Variants in CADPS2 observed in about 807,000 individuals in gnomAD.
CADPS2 encodes calcium-dependent secretion activator 2.
Under a neutral mutation model 172.5 loss-of-function variants are expected in CADPS2, and 93 were observed. That is an observed-to-expected ratio of 0.54 (90% CI 0.46 to 0.64). The LOEUF (loss-of-function observed/expected upper bound fraction) is 0.64, where lower values mean the gene tolerates loss of function less well. Among genes scored for constraint, CADPS2 ranks in the 30% least tolerant of loss-of-function variants. The pLI, the probability that CADPS2 is intolerant of heterozygous loss-of-function variation, is 0.00. For missense variants in CADPS2, 1,420 were observed against 1,565.9 expected (o/e 0.91, Z 1.57); for synonymous variants, 546 against 555.2 (o/e 0.98, Z 0.23).
chr7:122,622,655 A>G (rs749560973), intron 4 of CADPS2, among the ~76,000 whole-genome samples: 17 of 152,170 alleles, frequency 1.1e-4, no homozygotes, highest in Non-Finnish European at 2.2e-4. Context: ...TTTCTCTCTT[A>G]AAGACAGAGG....
intron 27 of CADPS2, among the ~76,000 whole-genome samples, chr7:122,356,809 C>A: frequency 6.6e-6 from 1 of 152,270 alleles, no homozygotes; most frequent in Middle Eastern, 3.4e-3. Flanking sequence ...CTTTGAAACA[C>A]AGAGTTTCCA....
intron 1 of CADPS2, among the ~76,000 whole-genome samples, chr7:122,759,387 T>C (rs187331405): frequency 6.8e-4 from 104 of 152,266 alleles, no homozygotes; most frequent in African/African-American, 2.1e-3. Context: ...AATGCAAAGG[T>C]TAGGAAAGAA....
At chr7:122,732,676 TAATA>T (rs1036028475) in intron 2 of CADPS2, among the ~76,000 whole-genome samples, 1 of 145,474 alleles carries the variant, frequency 6.9e-6, no homozygotes, top group African/African-American at 2.5e-5. Context: ...ATATATTATG[TAATA>T]AATACATATA....
rs974878991 is a variant in CADPS2, at chr7:122,624,947, A to G, written c.868-3230T>C. On this transcript the variant is annotated intron_variant, in intron 4 of 29. Coordinates refer to ENST00000449022, the MANE Select transcript of CADPS2 (RefSeq NM_017954.11). ...AGTCTAGAAGGAGGAACACAGAGTG[A>G]GTGGTGAGAAGGGTTGCAGCTTTAA... 3.3e-5 allele frequency among the ~76,000 whole-genome samples: 5 copies of G among 152,180 alleles called. No homozygotes were observed. The South Asian group carries it at 1.0e-3, about 32-fold the overall frequency.
intron 2 of CADPS2, chr7:122,702,405 T>C (rs1381284509): frequency 6.2e-7 from 1 of 1,613,696 alleles, no homozygotes; most frequent in African/African-American, 1.3e-5. Context: ...GCCACGTTGA[T>C]TTTATGTGTA....
chr7:122,805,474 G>T (rs1798595796), intron 1 of CADPS2, among the ~76,000 whole-genome samples: 1 of 152,062 alleles, frequency 6.6e-6, no homozygotes. Flanking sequence ...TATTTTTATT[G>T]TTTACTTCCC....
chr7:122,530,509 C>T (rs1470396060), intron 8 of CADPS2, among the ~76,000 whole-genome samples: 2 of 152,014 alleles, frequency 1.3e-5, no homozygotes, highest in Non-Finnish European at 2.9e-5. Context: ...TTCCTTATAA[C>T]AACTTACCTT....
intron 14 of CADPS2, among the ~76,000 whole-genome samples, chr7:122,470,303 C>A (rs1211402182): frequency 6.6e-6 from 1 of 151,088 alleles, no homozygotes; most frequent in Admixed American, 6.6e-5. Context: ...TTAAGGGGCA[C>A]TATGGGAAGA....
At chr7:122,877,922 G>A (rs955040836) in intron 1 of CADPS2, among the ~76,000 whole-genome samples, 94 of 152,248 alleles carry the variant, frequency 6.2e-4, no homozygotes, top group African/African-American at 2.1e-3. Context: ...TTCACACGGT[G>A]AGTGAGTGAG....
rs73444459 is a variant in CADPS2 at position 122,386,596 on chromosome 7, T to C, written c.3312+430A>G. ...AACTAGGCCTAGATTTTTAAGTCTA[T>C]TTCAACCTAAATTTTTAAAAATGGA... On this transcript the variant is annotated intron_variant, in intron 24 of 29. Transcript: ENST00000449022. 5.1e-3 allele frequency among the ~76,000 whole-genome samples: 779 copies of C among 152,188 alleles called. 7 individuals carry two copies. Among genetic ancestry groups the C allele is most frequent in the African/African-American group, 0.018 (749 of 41,560 alleles).
At chr7:122,667,197 A>G (rs1349435417) in intron 2 of CADPS2, among the ~76,000 whole-genome samples, 1 of 152,238 alleles carries the variant, frequency 6.6e-6, no homozygotes, top group African/African-American at 2.4e-5. Context: ...AGTCAAAACA[A>G]CCACCTTTGA....
intron 1 of CADPS2, among the ~76,000 whole-genome samples, chr7:122,766,056 G>T (rs2093542158): frequency 6.6e-6 from 1 of 152,074 alleles, no homozygotes; most frequent in Non-Finnish European, 1.5e-5. Context: ...TCTGGTGAGG[G>T]TCTCATGCTG....
At chr7:122,471,170 C>G (rs113769824) in intron 14 of CADPS2, among the ~76,000 whole-genome samples, 7 of 151,572 alleles carry the variant, frequency 4.6e-5, no homozygotes, top group African/African-American at 1.7e-4. Context: ...AGTGGCTTTA[C>G]CAGCAAAAAG....
At chr7:122,775,888 T>C (rs1340989197) in intron 1 of CADPS2, among the ~76,000 whole-genome samples, 1 of 152,212 alleles carries the variant, frequency 6.6e-6, no homozygotes, top group Non-Finnish European at 1.5e-5. Context: ...CTAGTTTCAA[T>C]GTCTGCTGTG....
chr7:122,873,414 T>C (rs1820337633), intron 1 of CADPS2, among the ~76,000 whole-genome samples: 2 of 152,196 alleles, frequency 1.3e-5, no homozygotes, highest in South Asian at 4.1e-4. Flanking sequence ...AGTGAGAACA[T>C]GCAGTGTTTG....
chr7:122,748,807 A>T (rs1402997427), intron 1 of CADPS2, among the ~76,000 whole-genome samples: 1 of 151,136 alleles, frequency 6.6e-6, no homozygotes, highest in Non-Finnish European at 1.5e-5. Flanking sequence ...TACACCTTTA[A>T]TGTAGTTAGA....
At chr7:122,539,141 G>A (rs1030949148) in intron 8 of CADPS2, among the ~76,000 whole-genome samples, 2 of 152,076 alleles carry the variant, frequency 1.3e-5, no homozygotes, top group African/African-American at 4.8e-5. Flanking sequence ...CAAAGTTCAT[G>A]TGTCAGACAC....
At chr7:122,363,912 G>A (rs9641684) in intron 25 of CADPS2, among the ~76,000 whole-genome samples, 54,086 of 151,892 alleles carry the variant, frequency 0.36, 9,924 homozygotes, top group East Asian at 0.55. Flanking sequence ...TAAATCTATG[G>A]GGCTTCTATG....
chr7:122,744,970 C>CTTT (rs111615580), intron 1 of CADPS2, among the ~76,000 whole-genome samples: 45 of 147,954 alleles, frequency 3.0e-4, no homozygotes, highest in East Asian at 1.0e-3. Flanking sequence ...TCTCATTTTT[C>CTTT]TTTTTTTTTT....
Sources: allele counts gnomAD v4.1 joint callset (sites outside exome capture counted in the v4.1 genomes callset), GRCh38; gene constraint gnomAD v4.1.1; transcripts MANE v1.5; gene names NCBI Gene and HGNC (gene_info 2026-07-23, HGNC 2026-07-21).